The following RIMS1 variants were observed in gnomAD, a reference collection of about 807,000 sequenced individuals.
RIMS1 encodes the protein regulating synaptic membrane exocytosis 1.
In RIMS1, 83 loss-of-function variants were observed where a neutral mutation model predicts 214.1. That is an observed-to-expected ratio of 0.39 (90% CI 0.32 to 0.47). The LOEUF (loss-of-function observed/expected upper bound fraction) is 0.47, where lower values mean the gene tolerates loss of function less well. RIMS1 is among the 20% of genes least tolerant of loss of function. RIMS1 has a pLI of 0.99. For synonymous variants in RIMS1, 793 were observed against 786.8 expected (o/e 1.01, Z -0.13); for missense variants, 2,050 against 2,161.8 (o/e 0.95, Z 1.03).
intron 6 of RIMS1, among the ~76,000 whole-genome samples, chr6:72,228,807 C>G (rs1454514562): frequency 6.6e-6 from 1 of 151,928 alleles, no homozygotes; most frequent in Non-Finnish European, 1.5e-5. Context: ...TCTCCACATT[C>G]TCATCAACAC....
At chr6:72,258,782 AAAG>A (rs2076869655) in intron 17 of RIMS1, among the ~76,000 whole-genome samples, 1 of 152,180 alleles carries the variant, frequency 6.6e-6, no homozygotes, top group South Asian at 2.1e-4. Flanking sequence ...TAGAAGTATG[AAAG>A]AAGGTTGGAG....
chr6:71,889,434 C>G (rs1239399694), intron 1 of RIMS1, among the ~76,000 whole-genome samples: 2 of 152,162 alleles, frequency 1.3e-5, no homozygotes, highest in Non-Finnish European at 2.9e-5. Context: ...ATATATTGTT[C>G]CTTTGTTGCA....
chr6:72,388,319 A>G (rs1288444238), intron 29 of RIMS1, among the ~76,000 whole-genome samples: 1 of 152,208 alleles, frequency 6.6e-6, no homozygotes, highest in Non-Finnish European at 1.5e-5. Context: ...GCATGCTTGC[A>G]GGCTTGAGGA....
At chr6:71,946,017 C>T (rs183070669) in intron 1 of RIMS1, among the ~76,000 whole-genome samples, 1 of 151,694 alleles carries the variant, frequency 6.6e-6, no homozygotes, top group Non-Finnish European at 1.5e-5. Context: ...TTACCTGATA[C>T]AAAAGCAAAA....
chr6:72,252,831 A>G lies in RIMS1; in HGVS notation c.2769A>G (p.Pro923=). 1 of 1,553,392 alleles carries G rather than the reference A, an allele frequency of 6.4e-7. No homozygotes were observed. ...ATGATGGTATTGGCGTAGTTCCTCC[A>G]GGTGCGTGGGTGAGGAGCATGACCC... ...EVDDGIGVVP[P]VGYRSSARES... is the part of the protein sequence containing the mutation. Residue 923 remains proline, a splice_region_variant and synonymous_variant, in exon 16 of 34, where the codon CCA becomes CCG. Transcript: ENST00000521978.
chr6:71,905,477 CA>C (rs1267420770), intron 1 of RIMS1, among the ~76,000 whole-genome samples: 2 of 151,986 alleles, frequency 1.3e-5, no homozygotes, highest in African/African-American at 4.8e-5. Context: ...CAGGACCAGG[CA>C]ACTGCAGGAG....
chr6:72,093,228 A>ATATATATATATATATATATATAT (rs200655727), intron 2 of RIMS1, among the ~76,000 whole-genome samples: 2,586 of 136,394 alleles, frequency 0.019, 119 homozygotes, highest in African/African-American at 0.021. Context: ...ATATATATAT[A>ATATATATATATATATATATATAT]AAAACATGTG....
intron 1 of RIMS1, among the ~76,000 whole-genome samples, chr6:71,921,311 G>A (rs1779912493): frequency 6.6e-6 from 1 of 152,072 alleles, no homozygotes; most frequent in East Asian, 1.9e-4. Flanking sequence ...AGTAGAGACG[G>A]CATTTCACCA....
At chr6:72,374,140 CTT>C (rs1454796558) in intron 29 of RIMS1, among the ~76,000 whole-genome samples, 1 of 152,176 alleles carries the variant, frequency 6.6e-6, no homozygotes, top group Non-Finnish European at 1.5e-5. Flanking sequence ...GTCTCGATCT[CTT>C]GACCTCGTGA....
At chr6:72,260,042 G>C (rs1190560963) in intron 18 of RIMS1, among the ~76,000 whole-genome samples, 1 of 152,102 alleles carries the variant, frequency 6.6e-6, no homozygotes, top group Admixed American at 6.6e-5. Context: ...GAGCTGCTCT[G>C]AGGAATAGGA....
chr6:72,232,726 A>G (rs993811757), intron 6 of RIMS1, among the ~76,000 whole-genome samples: 1 of 151,746 alleles, frequency 6.6e-6, no homozygotes, highest in African/African-American at 2.4e-5. Flanking sequence ...ATTGAAGTGT[A>G]TGGATTGAAG....
In RIMS1 at chr6:72,001,873, C is replaced by T. The variant is rs574389224; in HGVS notation, c.245+32810C>T. On this transcript the variant is annotated intron_variant, in intron 2 of 33. Coordinates refer to ENST00000521978, the MANE Select transcript of RIMS1 (RefSeq NM_014989.7). ...ATTCTGCTTAAAATGTGGTACAGAA[C>T]ATTCCACAAAATAGATAAGTAAATG... Among the ~76,000 whole-genome samples the T allele has an allele frequency of 7.9e-5, 12 of 152,230 alleles. No homozygotes were observed. The South Asian group carries it at 8.3e-4, about 11-fold the overall frequency.
chr6:72,125,973 G>C (rs891484947), intron 4 of RIMS1, among the ~76,000 whole-genome samples: 2 of 152,190 alleles, frequency 1.3e-5, no homozygotes, highest in African/African-American at 4.8e-5. Context: ...CCCTGCTTTG[G>C]CTCACCCTCC....
intron 29 of RIMS1, among the ~76,000 whole-genome samples, chr6:72,373,315 GA>G (rs1245987080): frequency 6.6e-6 from 1 of 152,142 alleles, no homozygotes; most frequent in East Asian, 1.9e-4. Flanking sequence ...CTGCTCTAAT[GA>G]AAAAGTATCA....
In RIMS1 at chr6:72,290,765, G is replaced by A. The variant is rs779371419; in HGVS notation, c.3641G>A (p.Arg1214His). 13 of 1,613,528 alleles carry A rather than the reference G, an allele frequency of 8.1e-6. No homozygotes were observed. The highest frequency in any genetic ancestry group is 3.3e-5 in the Admixed American group (2 of 59,978). Residue 1214 changes from arginine to histidine, a missense_variant, in exon 25 of 34, where the codon CGC (arginine) becomes CAC (histidine). Physicochemically the swap from Arg to His is conservative, Grantham distance 29. Transcript: ENST00000521978. ...GTCATTAGGGGAAAACATCCTGCTC[G>A]CTCAAGGTCGAGTGAGCACTCTAGT... ...QPVIRGKHPA[R>H]SRSSEHSSIR...
chr6:72,256,735 GTTAAC>G (rs2076027951), intron 16 of RIMS1, among the ~76,000 whole-genome samples: 1 of 150,214 alleles, frequency 6.7e-6, no homozygotes, highest in South Asian at 2.1e-4. Context: ...TTCACTACAT[GTTAAC>G]TTAGTTGGTC....
rs114442595 is a variant in RIMS1, at chr6:72,297,082, A to G, written c.3850+5036A>G. Among the ~76,000 whole-genome samples, 619 of 152,102 alleles carry G rather than the reference A, an allele frequency of 4.1e-3. 5 individuals are homozygous for G. Among genetic ancestry groups the G allele is most frequent in the African/African-American group, 0.014 (600 of 41,552 alleles). The stretch of plus-strand genomic sequence containing the variant: ...TATTTATAAAAATGTATTTAACAAT[A>G]TTTATATTCAGGCACTATACATATA... On this transcript the variant is annotated intron_variant, in intron 26 of 33. Transcript: ENST00000521978.
chr6:72,381,544 T>C (rs949026270), intron 29 of RIMS1, among the ~76,000 whole-genome samples: 15 of 152,252 alleles, frequency 9.9e-5, no homozygotes, highest in Non-Finnish European at 1.9e-4. Flanking sequence ...TGTTTCAGTG[T>C]ATACAAATCT....
intron 4 of RIMS1, chr6:72,126,719 A>C: frequency 3.9e-6 from 1 of 254,534 alleles, no homozygotes; most frequent in Non-Finnish European, 7.9e-6. Context: ...AATTAAAACA[A>C]CAATGATATA....
Sources: allele counts gnomAD v4.1 joint callset (sites outside exome capture counted in the v4.1 genomes callset), GRCh38; gene constraint gnomAD v4.1.1; transcripts MANE v1.5; gene names NCBI Gene and HGNC (gene_info 2026-07-23, HGNC 2026-07-21).